GFI1: variants seen among roughly 807,000 people sequenced by gnomAD.
GFI1 encodes growth factor independent 1 transcriptional repressor.
Under a neutral mutation model 39.2 loss-of-function variants are expected in GFI1, and 15 were observed. The ratio of observed to expected loss-of-function variants is 0.38; its 90% CI spans 0.26 to 0.59. The LOEUF (loss-of-function observed/expected upper bound fraction) is 0.59. Ranked by LOEUF, GFI1 falls within the 20% of genes least tolerant of loss-of-function variation. The pLI is 0.62. For synonymous variants in GFI1, 239 were observed against 254.3 expected (o/e 0.94, Z 0.57); for missense variants, 475 against 574.0 (o/e 0.83, Z 1.76).
rs1317648814 is a variant in GFI1, at chr1:92,475,823, G to A, written c.*206C>T. ...AGAGAGTCACTTGGTTCTCACTCTC[G>A]GCTGCACTTTGAAAAGGTACCTCAT... On this transcript the variant is annotated 3_prime_UTR_variant, in exon 7 of 7. Coordinates refer to ENST00000294702, the MANE Select transcript of GFI1 (RefSeq NM_005263.5). 1.2e-5 allele frequency: 7 copies of A among 604,678 alleles called. No individual in the cohort carries two copies. Among genetic ancestry groups the A allele is most frequent in the Admixed American group, 2.6e-5 (1 of 38,198 alleles). 37.5% of individuals were successfully genotyped at this position (604,678 alleles called of 1,614,324 possible). A position where few individuals can be genotyped will look rare whatever the true frequency, so the allele number is the denominator to read the frequency against.
rs375363891 is a variant in GFI1 at position 92,474,222 on chromosome 1, C to CT, written c.*1806dup. Among the ~76,000 whole-genome samples, 79 of 152,312 alleles carry CT rather than the reference C, an allele frequency of 5.2e-4. 1 individual carries two copies. Among genetic ancestry groups the CT allele is most frequent in the African/African-American group, 1.8e-3 (74 of 41,584 alleles). Reference sequence around the variant, plus strand: ...GGGGAGGCAGCTAACCAATCTCACACTTTTTTTCCTTTCCAGTCTCCACAG... The same window carrying CT: ...GGGGAGGCAGCTAACCAATCTCACACTTTTTTTTCCTTTCCAGTCTCCACAG... On this transcript the variant is annotated 3_prime_UTR_variant, in exon 7 of 7. Coordinates refer to ENST00000294702, the MANE Select transcript of GFI1 (RefSeq NM_005263.5).
rs1021749261 is a variant in GFI1, at chr1:92,482,149, G to C, written c.298+715C>G. Among the ~76,000 whole-genome samples the C allele has an allele frequency of 3.9e-5, 6 of 152,100 alleles. No individual in the cohort carries two copies. Among genetic ancestry groups the C allele is most frequent in the Admixed American group, 3.3e-4 (5 of 15,270 alleles). On this transcript the variant is annotated intron_variant, in intron 3 of 6. Coordinates refer to ENST00000294702, the MANE Select transcript of GFI1 (RefSeq NM_005263.5). This position sits in a 1 kb window ranked among gnomAD's most constrained non-coding sequence, Gnocchi z 4.4. ...CAAGTCAACTCACTGATTGTGGGAC[G>C]GGTGGTGGTATCTTCTAAAACTAGC...
Position 92,483,403 on chromosome 1 carries a change from A to G in GFI1, c.85T>C (p.Leu29=). The G allele has an allele frequency of 1.2e-6, 2 of 1,612,358 alleles. No homozygotes were observed. Among genetic ancestry groups the G allele is most frequent in the Middle Eastern group, 1.7e-4 (1 of 6,044 alleles). ...CGGCTAGGCGCCGGTACATTCTCTA[A>G]ACGGAGGGAATAGTCTGGTCCTGGG... is the stretch of plus-strand genomic sequence containing the variant. The part of the protein sequence containing the change: ...RSPGPDYSLR[L]ENVPAPSRAD... The change falls in exon 2 of 7, where the codon TTA becomes CTA. Residue 29 remains leucine, a synonymous_variant. Coordinates refer to ENST00000294702, the MANE Select transcript of GFI1 (RefSeq NM_005263.5).
intron 6 of GFI1, among the ~76,000 whole-genome samples, chr1:92,477,354 G>A (rs576161481): frequency 6.6e-6 from 1 of 152,188 alleles, no homozygotes; most frequent in Non-Finnish European, 1.5e-5. Flanking sequence ...GAAATTTCAG[G>A]TAAGAGGGAA....
rs1658220108 is a variant in GFI1, at chr1:92,480,972, A to G, written c.415T>C (p.Tyr139His). 6.2e-7 allele frequency: 1 copy of G among 1,602,430 alleles called. No individual in the cohort carries two copies. Among genetic ancestry groups the G allele is most frequent in the South Asian group, 1.1e-5 (1 of 89,394 alleles). Residue 139 changes from tyrosine to histidine, a missense_variant, in exon 4 of 7, where the codon TAC (tyrosine) becomes CAC (histidine). Physicochemically the swap from Tyr to His is moderately conservative, Grantham distance 83 (BLOSUM62 2). This residue lies in a region of GFI1 where 275 missense variants were observed against 275.8 expected (regional missense o/e 1.00). Coordinates refer to ENST00000294702, the MANE Select transcript of GFI1 (RefSeq NM_005263.5). The surrounding 1 kb of genome is among the most constrained non-coding windows in gnomAD (Gnocchi z 5.6). The stretch of plus-strand genomic sequence containing the variant: ...CGCTCCAGGGCCCCACACGGTCGGT[A>G]GCTCTGCACCAGGTGCCGCAGGTCA... Reference protein sequence around the residue: ...GSDLRHLVQSYRPCGALERGA... With the variant: ...GSDLRHLVQSHRPCGALERGA...
Position 92,483,554 on chromosome 1 carries a change from C to T in GFI1, c.-67G>A, listed in dbSNP as rs1658391729. ...GAGCCGCTGTCACCCACGGTCACTC[C>T]GAGGGCTTGCTCAGCCCCAGCCCGG... On this transcript the variant is annotated 5_prime_UTR_variant, in exon 2 of 7. Transcript: ENST00000294702. 8 of 913,530 alleles carry T rather than the reference C, an allele frequency of 8.8e-6. No individual in the cohort carries two copies. The highest frequency in any genetic ancestry group is 1.4e-5 in the Non-Finnish European group (8 of 561,752). The allele number at this position is 913,530 out of a possible 1,614,324, so 56.6% of individuals were successfully genotyped here.
At chr1:92,483,261 C>G in intron 2 of GFI1, 112 bp downstream of exon 2, 1 of 763,332 alleles carries the variant, frequency 1.3e-6, no homozygotes, top group Non-Finnish European at 2.2e-6. Context: ...GAAACAAAAA[C>G]AGCAGCAAAA....
intron 6 of GFI1, 114 bp downstream of exon 6, chr1:92,478,474 G>A (rs1370701109): frequency 2.2e-6 from 2 of 896,646 alleles, no homozygotes; most frequent in African/African-American, 1.6e-5. Context: ...ACAGAGCAGA[G>A]AATAACTCCA....
In GFI1 at chr1:92,481,433, A is replaced by C. The variant is rs544691710; in HGVS notation, c.299-345T>G. On this transcript the variant is annotated intron_variant, in intron 3 of 6. Transcript: ENST00000294702. The surrounding 1 kb of genome is among the most constrained non-coding windows in gnomAD (Gnocchi z 4.3). The stretch of plus-strand genomic sequence containing the variant: ...TCCTACAGGGAAGGGCGCATCTATA[A>C]ATGCCCGTAGTTGAGCTGTTAAGAA... 1.3e-5 allele frequency among the ~76,000 whole-genome samples: 2 copies of C among 152,340 alleles called. No homozygotes were observed. The highest frequency in any genetic ancestry group is 4.8e-5 in the African/African-American group (2 of 41,584).
chr1:92,477,670 C>T (rs74101159), intron 6 of GFI1, among the ~76,000 whole-genome samples: 1,952 of 152,348 alleles, frequency 0.013, 41 homozygotes, highest in African/African-American at 0.044. Context: ...ATCATTCACT[C>T]TTTCTGAGTT....
intron 6 of GFI1, among the ~76,000 whole-genome samples, chr1:92,476,504 A>C (rs947957591): frequency 1.3e-5 from 2 of 152,224 alleles, no homozygotes; most frequent in Non-Finnish European, 2.9e-5. Context: ...TGCCCTCCCC[A>C]GCTGAATCTA....
Position 92,474,913 on chromosome 1 carries a change from A to T in GFI1, c.*1116T>A, listed in dbSNP as rs373101236. ...CCTCTATGGTACACATGGAGGGTCAAAGAGTTGAAGACAGAGCCTTCCTTC... is the reference window on the plus strand; with the variant it reads ...CCTCTATGGTACACATGGAGGGTCATAGAGTTGAAGACAGAGCCTTCCTTC... On this transcript the variant is annotated 3_prime_UTR_variant, in exon 7 of 7. Coordinates refer to ENST00000294702, the MANE Select transcript of GFI1 (RefSeq NM_005263.5). 40 of 152,470 alleles carry T rather than the reference A, an allele frequency of 2.6e-4. No individual in the cohort carries two copies. The highest frequency in any genetic ancestry group is 8.7e-4 in the African/African-American group (36 of 41,438). The allele number at this position is 152,470 out of a possible 1,614,324, so 9.4% of individuals were successfully genotyped here.
Position 92,473,940 on chromosome 1 carries a change from C to T in GFI1, c.*2089G>A, listed in dbSNP as rs144309405. Among the ~76,000 whole-genome samples the T allele has an allele frequency of 1.3e-5, 2 of 152,350 alleles. No homozygotes were observed. The highest frequency in any genetic ancestry group is 2.9e-5 in the Non-Finnish European group (2 of 68,022). ...CCACCCCCTAGAAGAATGCCCAGCACATACTGGGTGCTCAATTATATGTGT... is the reference window on the plus strand; with the variant it reads ...CCACCCCCTAGAAGAATGCCCAGCATATACTGGGTGCTCAATTATATGTGT... On this transcript the variant is annotated 3_prime_UTR_variant, in exon 7 of 7. Transcript: ENST00000294702.
rs751210834 is a variant in GFI1 at position 92,482,855 on chromosome 1, G to C, written c.298+9C>G. On this transcript the variant is annotated intron_variant, in intron 3 of 6. Transcript: ENST00000294702. The surrounding 1 kb of genome is among the most constrained non-coding windows in gnomAD (Gnocchi z 4.4). ...GCTCCCGCCCAAGAGGTTCCCAGTG[G>C]GTTCCTACCTGGAGACGCGGAGGGT... 5.6e-6 allele frequency: 9 copies of C among 1,612,028 alleles called. No homozygotes were observed. In the African/African-American group the frequency reaches 1.1e-4, roughly 19 times the overall value.
In GFI1 at chr1:92,481,493, C is replaced by G. The variant is rs1285996672; in HGVS notation, c.299-405G>C. On this transcript the variant is annotated intron_variant, in intron 3 of 6. Coordinates refer to ENST00000294702, the MANE Select transcript of GFI1 (RefSeq NM_005263.5). The surrounding 1 kb of genome is among the most constrained non-coding windows in gnomAD (Gnocchi z 4.3). ...GGCGGCCGTTCGGCCCCTCACAGCACTCAAGGGCGGAAGGGTCCAGCCACC... is the reference window on the plus strand; with the variant it reads ...GGCGGCCGTTCGGCCCCTCACAGCAGTCAAGGGCGGAAGGGTCCAGCCACC... Among the ~76,000 whole-genome samples the G allele has an allele frequency of 6.6e-6, 1 of 152,234 alleles. No individual in the cohort carries two copies. The highest frequency in any genetic ancestry group is 1.5e-5 in the Non-Finnish European group (1 of 68,030).
intron 6 of GFI1, among the ~76,000 whole-genome samples, chr1:92,478,140 A>G (rs188537555): frequency 2.6e-5 from 4 of 152,344 alleles, no homozygotes; most frequent in East Asian, 1.9e-4. Flanking sequence ...TTCAATCAGA[A>G]TAAGCTCTCA....
chr1:92,483,683 C>G lies in GFI1; in HGVS notation c.-99-97G>C, dbSNP rs12094593. ...GGAGGGAGAGCGCGGGCCAGGGAGG[C>G]GCGCAGAGGGCCCACGGGAGGAGGG... On this transcript the variant is annotated intron_variant, in intron 1 of 6. Coordinates refer to ENST00000294702, the MANE Select transcript of GFI1 (RefSeq NM_005263.5). The G allele has an allele frequency of 6.2e-3, 3,928 of 634,766 alleles. 130 individuals carry two copies. The African/African-American group carries it at 0.063, about 10-fold the overall frequency. The allele number at this position is 634,766 out of a possible 1,614,324, so 39.3% of individuals were successfully genotyped here. A position where few individuals can be genotyped will look rare whatever the true frequency, so the allele number is the denominator to read the frequency against.
intron 6 of GFI1, among the ~76,000 whole-genome samples, chr1:92,476,473 G>C (rs1444135514): frequency 6.6e-6 from 1 of 152,154 alleles, no homozygotes; most frequent in Admixed American, 6.5e-5. Flanking sequence ...CCTGCTAAAC[G>C]GAAACAGAGC....
chr1:92,477,060 G>A (rs1043628713), intron 6 of GFI1, among the ~76,000 whole-genome samples: 18 of 152,180 alleles, frequency 1.2e-4, no homozygotes, highest in Admixed American at 1.3e-4. Flanking sequence ...ATTATAGTCA[G>A]GGCTCAGCCT....
Sources: gnomAD v4.1 joint callset for allele counts (sites outside exome capture counted in the v4.1 genomes callset) on GRCh38, gnomAD v4.1.1 for gene constraint, gnomAD v4.1.1 regional missense constraint, Gnocchi (gnomAD v3.1) non-coding constraint, MANE v1.5 for transcripts, NCBI Gene and HGNC (gene_info 2026-07-23, HGNC 2026-07-21) for gene names.